KCNG2: variants seen among roughly 807,000 people sequenced by gnomAD.
KCNG2 encodes voltage-gated potassium channel regulatory subunit KCNG2.
In KCNG2, 7 loss-of-function variants were observed where a neutral mutation model predicts 12.3. The observed-to-expected ratio is 0.57, with a 90% CI of 0.32 to 1.07. KCNG2 has a LOEUF of 1.07. Ranked by LOEUF, KCNG2 falls within the 50% of genes least tolerant of loss-of-function variation. KCNG2 has a pLI of 0.04. For synonymous variants in KCNG2, 414 were observed against 351.4 expected (o/e 1.18, Z -1.99); for missense variants, 703 against 726.0 (o/e 0.97, Z 0.36).
intron 1 of KCNG2, among the ~76,000 whole-genome samples, chr18:79,854,433 T>TGCACC (rs1296621623): frequency 6.6e-6 from 1 of 152,130 alleles, no homozygotes; most frequent in African/African-American, 2.4e-5. Context: ...GGCCCAGGGG[T>TGCACC]GCACGATTCC....
At chr18:79,799,077 C>G (rs1599358066) in intron 1 of KCNG2, among the ~76,000 whole-genome samples, 1 of 152,250 alleles carries the variant, frequency 6.6e-6, no homozygotes, top group African/African-American at 2.4e-5. Flanking sequence ...TGGGTCCCCC[C>G]TTCTCTGCCT....
intron 3 of KCNG2, among the ~76,000 whole-genome samples, chr18:79,875,044 T>C (rs1980013176): frequency 6.6e-6 from 1 of 152,210 alleles, no homozygotes; most frequent in Non-Finnish European, 1.5e-5. Context: ...TTCTGCCCTG[T>C]GATCTCCCAG....
intron 1 of KCNG2, among the ~76,000 whole-genome samples, chr18:79,813,105 A>G (rs2087504596): frequency 6.6e-6 from 1 of 152,258 alleles, no homozygotes; most frequent in African/African-American, 2.4e-5. Context: ...CGGTGAGCCG[A>G]GATCGCGCCA....
intron 1 of KCNG2, among the ~76,000 whole-genome samples, chr18:79,821,579 C>T (rs1443558916): frequency 6.6e-6 from 1 of 152,192 alleles, no homozygotes; most frequent in Non-Finnish European, 1.5e-5. Flanking sequence ...CGTGAGCCAC[C>T]ACGCCTGGCC....
At chr18:79,866,025 G>T (rs1979512598) in intron 3 of KCNG2, among the ~76,000 whole-genome samples, 3 of 147,790 alleles carry the variant, frequency 2.0e-5, no homozygotes, top group Non-Finnish European at 4.5e-5. Flanking sequence ...TGGGTGCTGA[G>T]AGGTCTGTGT....
intron 1 of KCNG2, among the ~76,000 whole-genome samples, chr18:79,829,127 C>T (rs963660931): frequency 1.8e-4 from 21 of 117,586 alleles, no homozygotes; most frequent in African/African-American, 3.1e-4. Flanking sequence ...ATGATGTGTG[C>T]ATGTGTCTGT....
chr18:79,899,183 C>A lies in KCNG2; in HGVS notation c.768C>A (p.Ile256=). The A allele has an allele frequency of 1.2e-6, 2 of 1,604,600 alleles. No individual in the cohort carries two copies. The highest frequency in any genetic ancestry group is 1.7e-6 in the Non-Finnish European group (2 of 1,179,526). ...FLRAPLNIID[I]LALLPFYVSL... ...GCGCGCCACTCAACATCATTGACAT[C>A]CTGGCGCTCCTGCCGTTCTACGTGT... The change falls in exon 4 of 4, where the codon ATC becomes ATA. Residue 256 remains isoleucine, a synonymous_variant. Transcript: ENST00000316249.
intron 1 of KCNG2, among the ~76,000 whole-genome samples, chr18:79,853,715 C>A (rs1283215209): frequency 1.3e-5 from 2 of 152,244 alleles, no homozygotes; most frequent in Admixed American, 6.5e-5. Flanking sequence ...TGTGGGTGAC[C>A]CCCAAGGACT....
chr18:79,847,800 C>T (rs767702996), intron 1 of KCNG2, among the ~76,000 whole-genome samples: 1 of 152,180 alleles, frequency 6.6e-6, no homozygotes, highest in Non-Finnish European at 1.5e-5. Context: ...TTGCTGGCGG[C>T]AGTGGGGCCA....
At chr18:79,830,326 G>A (rs1394764288) in intron 1 of KCNG2, among the ~76,000 whole-genome samples, 1 of 152,220 alleles carries the variant, frequency 6.6e-6, no homozygotes, top group Non-Finnish European at 1.5e-5. Context: ...ATTTGAAAGG[G>A]GCGCCTGTGA....
intron 3 of KCNG2, among the ~76,000 whole-genome samples, chr18:79,893,010 C>A (rs1287724746): frequency 1.3e-5 from 2 of 150,888 alleles, no homozygotes; most frequent in African/African-American, 4.9e-5. Flanking sequence ...GTTGTTCACT[C>A]CATTCACATC....
intron 2 of KCNG2, among the ~76,000 whole-genome samples, chr18:79,861,578 C>T (rs1979224053): frequency 6.6e-6 from 1 of 152,174 alleles, no homozygotes; most frequent in African/African-American, 2.4e-5. Flanking sequence ...TGTGCCGGGT[C>T]TTTGTCTTTA....
intron 3 of KCNG2, among the ~76,000 whole-genome samples, chr18:79,868,806 T>C (rs1422919173): frequency 6.6e-6 from 1 of 152,190 alleles, no homozygotes; most frequent in African/African-American, 2.4e-5. Flanking sequence ...ACGAGCCAAA[T>C]CACTGGCTGA....
At position 79,864,303 on chromosome 18, in the gene KCNG2, CG is replaced by C. The variant is rs1452038764; in HGVS notation, c.624+17del. 9.3e-6 allele frequency: 12 copies of C among 1,296,488 alleles called. No homozygotes were observed. The highest frequency in any genetic ancestry group is 1.1e-4 in the East Asian group (2 of 18,014). 80.3% of individuals were successfully genotyped at this position (1,296,488 alleles called of 1,614,324 possible). On this transcript the variant is annotated intron_variant, in intron 3 of 3. Coordinates refer to ENST00000316249, the MANE Select transcript of KCNG2 (RefSeq NM_012283.2). ...CCGAGGAGGAGCGGGTGAGCGCGGC[CG>C]GGGGTGGCGGGGACCGGGCCGGAGC... is the stretch of plus-strand genomic sequence containing the variant.
chr18:79,899,248 AG>A lies in KCNG2; in HGVS notation c.834del (p.Lys278AsnfsTer21). On this transcript the variant is annotated frameshift_variant, in exon 4 of 4. Transcript: ENST00000316249. LOFTEE classifies it low-confidence loss of function (END_TRUNC). The part of the protein sequence containing the change: ...LGLAAGPGGT[K>X]LLERAGLVLR... ...CTGGCGGCAGGCCCGGGCGGGACCA[AG>A]CTCCTGGAGCGCGCGGGGCTGGTGC... The A allele has an allele frequency of 1.3e-6, 2 of 1,594,546 alleles. No homozygotes were observed. Among genetic ancestry groups the A allele is most frequent in the Non-Finnish European group, 1.7e-6 (2 of 1,176,564 alleles).
At chr18:79,872,144 G>A in intron 3 of KCNG2, among the ~76,000 whole-genome samples, 1 of 151,562 alleles carries the variant, frequency 6.6e-6, no homozygotes, top group Non-Finnish European at 1.5e-5. Context: ...GAAGATAACA[G>A]GCTGCATTCT....
chr18:79,881,785 G>A (rs893073365), intron 3 of KCNG2, among the ~76,000 whole-genome samples: 2 of 152,188 alleles, frequency 1.3e-5, no homozygotes, highest in African/African-American at 4.8e-5. Flanking sequence ...GAACCGTTTT[G>A]AAAAAGCAGC....
At chr18:79,885,658 G>A (rs1487113535) in intron 3 of KCNG2, among the ~76,000 whole-genome samples, 2 of 152,268 alleles carry the variant, frequency 1.3e-5, no homozygotes, top group Non-Finnish European at 2.9e-5. Context: ...ACAGTGCCCT[G>A]GGGCCAGCCT....
intron 3 of KCNG2, among the ~76,000 whole-genome samples, chr18:79,875,276 C>G (rs564178621): frequency 2.0e-5 from 3 of 152,270 alleles, no homozygotes; most frequent in African/African-American, 7.2e-5. Context: ...AGAGCACTGC[C>G]CAGAGCCCAA....
Sources: allele counts gnomAD v4.1 joint callset (sites outside exome capture counted in the v4.1 genomes callset), GRCh38; gene constraint gnomAD v4.1.1; transcripts MANE v1.5; gene names NCBI Gene and HGNC (gene_info 2026-07-23, HGNC 2026-07-21).